Variants in MTA3 observed in about 807,000 individuals in gnomAD.
MTA3 encodes the protein metastasis associated 1 family member 3.
Under a neutral mutation model 83.5 loss-of-function variants are expected in MTA3, and 34 were observed. The observed-to-expected ratio is 0.41, with a 90% CI of 0.31 to 0.54. The LOEUF is 0.54. Ranked by LOEUF, MTA3 falls within the 20% of genes least tolerant of loss-of-function variation. The pLI is 0.33. For synonymous variants in MTA3, 303 were observed against 252.7 expected, an observed-to-expected ratio of 1.20 and a Z score of -1.89; for missense variants, 761 against 726.4, an observed-to-expected ratio of 1.05 and a Z score of -0.55.
chr2:42,623,589 T>G (rs1685783858), intron 4 of MTA3, among the ~76,000 whole-genome samples: 1 of 152,184 alleles, frequency 6.6e-6, no homozygotes, highest in African/African-American at 2.4e-5. Context: ...TTGGCTAGTT[T>G]TTGTTGAAGA....
intron 2 of MTA3, among the ~76,000 whole-genome samples, chr2:42,528,034 C>T (rs553434660): frequency 4.4e-4 from 67 of 152,266 alleles, no homozygotes; most frequent in African/African-American, 1.5e-3. Flanking sequence ...AAGTGATTCT[C>T]TTGCCTCAGC....
intron 16 of MTA3, among the ~76,000 whole-genome samples, chr2:42,727,508 C>T (rs1667911013): frequency 6.6e-6 from 1 of 152,084 alleles, no homozygotes; most frequent in Non-Finnish European, 1.5e-5. Context: ...AGGGCTTAGG[C>T]CAGCAGGGAT....
intron 9 of MTA3, among the ~76,000 whole-genome samples, chr2:42,694,245 C>G (rs1207847310): frequency 6.6e-6 from 1 of 151,712 alleles, no homozygotes; most frequent in Non-Finnish European, 1.5e-5. Flanking sequence ...TGCAATCACT[C>G]CTTTAGCCAC....
At chr2:42,498,493 C>T (rs1674245679) in intron 2 of MTA3, among the ~76,000 whole-genome samples, 2 of 152,330 alleles carry the variant, frequency 1.3e-5, no homozygotes, top group African/African-American at 2.4e-5. Flanking sequence ...CTCACAGGGC[C>T]TGTATCATAC....
intron 2 of MTA3, among the ~76,000 whole-genome samples, chr2:42,539,390 G>A (rs990343290): frequency 1.4e-4 from 21 of 151,886 alleles, no homozygotes; most frequent in Non-Finnish European, 2.4e-4. Flanking sequence ...GAGCAAAGGG[G>A]GAAGCCCCTT....
Position 42,755,046 on chromosome 2 carries a change from T to G in MTA3, c.*1647T>G, listed in dbSNP as rs986665840. ...AGGGTGGGGCCTGTGTCAGAAGCATTTGGTGAGAGGGGTGGAGGTGGCAGG... is the reference window on the plus strand; with the variant it reads ...AGGGTGGGGCCTGTGTCAGAAGCATGTGGTGAGAGGGGTGGAGGTGGCAGG... On this transcript the variant is annotated 3_prime_UTR_variant, in exon 17 of 17. Coordinates refer to ENST00000405094, the MANE Select transcript of MTA3 (RefSeq NM_001330442.2). 2 of 985,406 alleles carry G rather than the reference T, an allele frequency of 2.0e-6. No individual in the cohort carries two copies. The highest frequency in any genetic ancestry group is 3.5e-5 in the African/African-American group (2 of 57,156). 61.0% of individuals were successfully genotyped at this position (985,406 alleles called of 1,614,324 possible). A position where few individuals can be genotyped will look rare whatever the true frequency, so the allele number is the denominator to read the frequency against.
At chr2:42,713,860 T>G (rs1331912602) in intron 14 of MTA3, among the ~76,000 whole-genome samples, 2 of 152,340 alleles carry the variant, frequency 1.3e-5, no homozygotes, top group East Asian at 3.9e-4. Flanking sequence ...TCATAAATAA[T>G]GTTGCAACAA....
chr2:42,686,955 C>CAA (rs777631048), intron 9 of MTA3, among the ~76,000 whole-genome samples: 17 of 105,504 alleles, frequency 1.6e-4, no homozygotes, highest in African/African-American at 5.6e-4. Flanking sequence ...CCCATCTCTA[C>CAA]AAAAAAAAAA....
Position 42,756,040 on chromosome 2 carries a change from TG to T in MTA3, c.*2646del. On this transcript the variant is annotated 3_prime_UTR_variant, in exon 17 of 17. Transcript: ENST00000405094. The stretch of plus-strand genomic sequence containing the variant: ...CCCACCCAGGAAAATGGATTTCAAG[TG>T]GGGGTTTTCATCCAGAGATTTGTTT... 1 of 981,650 alleles carries T rather than the reference TG, an allele frequency of 1.0e-6. No homozygotes were observed. Among genetic ancestry groups the T allele is most frequent in the Non-Finnish European group, 1.2e-6 (1 of 826,592 alleles). The allele number at this position is 981,650 out of a possible 1,614,324, so 60.8% of individuals were successfully genotyped here.
At chr2:42,606,389 G>A (rs543770357) in intron 3 of MTA3, among the ~76,000 whole-genome samples, 61 of 150,600 alleles carry the variant, frequency 4.1e-4, no homozygotes, top group African/African-American at 1.4e-3. Flanking sequence ...CAGACGGGGC[G>A]GCCGGGCAGA....
At chr2:42,615,738 T>TTTTG in intron 4 of MTA3, among the ~76,000 whole-genome samples, 1 of 143,778 alleles carries the variant, frequency 7.0e-6, no homozygotes, top group South Asian at 2.3e-4. Flanking sequence ...TTTTTTTTTT[T>TTTTG]GAGACGGAGT....
At chr2:42,686,175 AAGTGAATGCAT>A (rs1370475089) in intron 9 of MTA3, among the ~76,000 whole-genome samples, 1 of 152,210 alleles carries the variant, frequency 6.6e-6, no homozygotes, top group Non-Finnish European at 1.5e-5. Context: ...TAGTTTTCCC[AAGTGAATGCAT>A]ATATTATTGT....
At chr2:42,507,093 G>A (rs901388056) in intron 2 of MTA3, among the ~76,000 whole-genome samples, 1 of 152,070 alleles carries the variant, frequency 6.6e-6, no homozygotes, top group African/African-American at 2.4e-5. Flanking sequence ...TAGAGAGAAG[G>A]TCTCACTGTG....
At chr2:42,668,610 A>T (rs929091199) in intron 8 of MTA3, among the ~76,000 whole-genome samples, 2 of 152,162 alleles carry the variant, frequency 1.3e-5, no homozygotes, top group Non-Finnish European at 2.9e-5. Context: ...TTTTTCACCC[A>T]TAATCTTTGT....
At chr2:42,497,482 A>G (rs1047175302) in intron 2 of MTA3, among the ~76,000 whole-genome samples, 2 of 146,420 alleles carry the variant, frequency 1.4e-5, no homozygotes, top group African/African-American at 5.1e-5. Flanking sequence ...CTACTCAGGA[A>G]GCTGAGGCAC....
intron 2 of MTA3, among the ~76,000 whole-genome samples, chr2:42,551,644 G>A (rs1677113737): frequency 6.6e-6 from 1 of 152,128 alleles, no homozygotes. Context: ...GTTATGGAGA[G>A]GAATAAAGCG....
At chr2:42,568,129 G>C (rs1678008994), upstream of MTA3, 1 of 152,290 alleles carries the variant, frequency 6.6e-6, no homozygotes, top group South Asian at 2.1e-4. Flanking sequence ...CCGCGAGGAA[G>C]GCACCCTGCT....
At chr2:42,666,965 GTA>G (rs1271363529) in intron 8 of MTA3, among the ~76,000 whole-genome samples, 1 of 152,204 alleles carries the variant, frequency 6.6e-6, no homozygotes, top group African/African-American at 2.4e-5. Context: ...AGAGTGATGT[GTA>G]TATGTGTATT....
intron 2 of MTA3, among the ~76,000 whole-genome samples, chr2:42,560,591 A>C (rs1253210759): frequency 1.3e-5 from 2 of 150,782 alleles, no homozygotes; most frequent in Admixed American, 6.6e-5. Flanking sequence ...AAAACAAACA[A>C]AACACACACA....
Sources: gnomAD v4.1 joint callset for allele counts (sites outside exome capture counted in the v4.1 genomes callset) on GRCh38, gnomAD v4.1.1 for gene constraint, MANE v1.5 for transcripts, NCBI Gene and HGNC (gene_info 2026-07-23, HGNC 2026-07-21) for gene names.